The following SLC12A5 variants were observed in gnomAD, a reference collection of about 807,000 sequenced individuals.
SLC12A5 encodes solute carrier family 12 member 5.
In SLC12A5, 18 loss-of-function variants were observed where a neutral mutation model predicts 124.0. That is an observed-to-expected ratio of 0.15 (90% CI 0.10 to 0.22). The LOEUF (loss-of-function observed/expected upper bound fraction) is 0.22, where lower values mean the gene tolerates loss of function less well. Among genes scored for constraint, SLC12A5 ranks in the 10% least tolerant of loss-of-function variants. The pLI is 1.00. For synonymous variants in SLC12A5, 589 were observed against 568.0 expected, an observed-to-expected ratio of 1.04 and a Z score of -0.53; for missense variants, 867 against 1,478.7, an observed-to-expected ratio of 0.59 and a Z score of 6.78.
intron 2 of SLC12A5, chr20:46,023,251 C>A (rs1390888926): frequency 5.0e-6 from 2 of 398,200 alleles, no homozygotes; most frequent in Non-Finnish European, 8.8e-6. Context: ...GGGCTCCTTC[C>A]ACTCTTCATC....
intron 1 of SLC12A5, among the ~76,000 whole-genome samples, chr20:46,031,918 T>C (rs980181257): frequency 6.6e-6 from 1 of 152,212 alleles, no homozygotes; most frequent in African/African-American, 2.4e-5. Context: ...TTCTGGTCCT[T>C]TGAGAACTCG....
upstream of SLC12A5, chr20:46,029,136 A>G (rs2084422311): frequency 7.2e-7 from 1 of 1,391,744 alleles, no homozygotes; most frequent in Non-Finnish European, 9.3e-7. Flanking sequence ...TGAGGTGAGC[A>G]GCGCCGCTGC....
Position 46,051,817 on chromosome 20 carries a change from G to T in SLC12A5, c.2324G>T (p.Trp775Leu). 6.3e-7 allele frequency: 1 copy of T among 1,593,290 alleles called. No homozygotes were observed. The highest frequency in any genetic ancestry group is 2.4e-5 in the East Asian group (1 of 42,474). The change falls in exon 18 of 26, where the codon TGG becomes TTG. Residue 775 changes from tryptophan (W) to leucine (L), a missense_variant. Trp to Leu is a moderately conservative substitution (Grantham distance 61). Around this residue, in one of 9 missense-constraint regions of SLC12A5, gnomAD observed 110 missense variants for 149.9 expected, o/e 0.73. Coordinates refer to ENST00000243964, the MANE Select transcript of SLC12A5 (RefSeq NM_020708.5). ...CAGCACAACACTGTGCTTGTTGGCT[G>T]GCCCCGCAACTGGCGCCAGAAGGAA... ...GLQHNTVLVG[W>L]PRNWRQKEDH...
At position 46,029,268 on chromosome 20, in the gene SLC12A5, A is replaced by G. The variant is rs2084423408; in HGVS notation, c.-77A>G. 3.3e-6 allele frequency: 5 copies of G among 1,502,362 alleles called. No individual in the cohort carries two copies. Among genetic ancestry groups the G allele is most frequent in the Middle Eastern group, 1.7e-4 (1 of 5,744 alleles). The allele number at this position is 1,502,362 out of a possible 1,614,324, so 93.1% of individuals were successfully genotyped here. Reference sequence around the variant, plus strand: ...GAGCGAGACAGAGCTACAGCGAACGAGAGAGCGGCGAAGGCGGGTAGAGGG... The same window carrying G: ...GAGCGAGACAGAGCTACAGCGAACGGGAGAGCGGCGAAGGCGGGTAGAGGG... On this transcript the variant is annotated 5_prime_UTR_variant, in exon 1 of 26. Transcript: ENST00000243964.
chr20:46,029,745 G>T (rs1194289845), intron 1 of SLC12A5, among the ~76,000 whole-genome samples: 2 of 152,138 alleles, frequency 1.3e-5, no homozygotes, highest in Non-Finnish European at 2.9e-5. Context: ...TCCTTTCCCC[G>T]ACAGGGGACC....
intron 18 of SLC12A5, among the ~76,000 whole-genome samples, chr20:46,052,737 A>AACTG (rs2084656778): frequency 6.6e-6 from 1 of 152,180 alleles, no homozygotes; most frequent in Non-Finnish European, 1.5e-5. Flanking sequence ...CAGGTGGGGA[A>AACTG]ACTGAGGCCT....
Position 46,053,376 on chromosome 20 carries a change from G to T in SLC12A5, c.2548-202G>T, listed in dbSNP as rs970863689. 4.6e-5 allele frequency among the ~76,000 whole-genome samples: 7 copies of T among 152,252 alleles called. No individual in the cohort carries two copies. The highest frequency in any genetic ancestry group is 8.8e-5 in the Non-Finnish European group (6 of 68,044). On this transcript the variant is annotated intron_variant, in intron 19 of 25. Transcript: ENST00000243964. The surrounding 1 kb of genome is among the most constrained non-coding windows in gnomAD (Gnocchi z 4.7). ...AGAGCAATGCTTAGCCCAAGCCAGT[G>T]ATGCTTTCTTTAATGGGGGACCCTC...
rs1320909377 is a variant in SLC12A5 at position 46,056,021 on chromosome 20, C to G, written c.2788-129C>G. The G allele has an allele frequency of 6.1e-6, 8 of 1,318,546 alleles. No individual in the cohort carries two copies. 81.7% of individuals were successfully genotyped at this position (1,318,546 alleles called of 1,614,324 possible). On this transcript the variant is annotated intron_variant, in intron 21 of 25. Transcript: ENST00000243964. The surrounding 1 kb of genome is among the most constrained non-coding windows in gnomAD (Gnocchi z 4.3). ...GTAGCTATTTGGTCTCAAATCATAGCAATATTTTAACAACTGGTACAGTTC... is the reference window on the plus strand; with the variant it reads ...GTAGCTATTTGGTCTCAAATCATAGGAATATTTTAACAACTGGTACAGTTC...
chr20:46,045,703 T>G lies in SLC12A5; in HGVS notation c.1570-175T>G, dbSNP rs1293870090. Among the ~76,000 whole-genome samples, 2 of 152,176 alleles carry G rather than the reference T, an allele frequency of 1.3e-5. No homozygotes were observed. Among genetic ancestry groups the G allele is most frequent in the South Asian group, 2.1e-4 (1 of 4,824 alleles). On this transcript the variant is annotated intron_variant, in intron 12 of 25. Coordinates refer to ENST00000243964, the MANE Select transcript of SLC12A5 (RefSeq NM_020708.5). This position sits in a 1 kb window ranked among gnomAD's most constrained non-coding sequence, Gnocchi z 4.9. Reference sequence around the variant, plus strand: ...GGTGCCGATCTCAGGGTGGGCAAGATGCAGCGAAAGCCTGTTATCCATTTG... The same window carrying G: ...GGTGCCGATCTCAGGGTGGGCAAGAGGCAGCGAAAGCCTGTTATCCATTTG...
Position 46,043,285 on chromosome 20 carries a change from T to G in SLC12A5, c.1199T>G (p.Phe400Cys). ...PYVFSDMTSY[F>C]TLLVGIYFPS... Reference sequence around the variant, plus strand: ...GTCTTCAGTGATATGACCTCCTACTTCACCCTGCTGGTTGGCATCTACTTC... The same window carrying G: ...GTCTTCAGTGATATGACCTCCTACTGCACCCTGCTGGTTGGCATCTACTTC... Residue 400 changes from phenylalanine to cysteine, a missense_variant, in exon 9 of 26, where the codon TTC (phenylalanine) becomes TGC (cysteine). This residue lies in a region of SLC12A5 where 152 missense variants were observed against 358.7 expected (regional missense o/e 0.42). Transcript: ENST00000243964. 1 of 1,614,064 alleles carries G rather than the reference T, an allele frequency of 6.2e-7. No individual in the cohort carries two copies. The highest frequency in any genetic ancestry group is 8.5e-7 in the Non-Finnish European group (1 of 1,180,010).
Position 46,045,752 on chromosome 20 carries a change from GCAT to G in SLC12A5, c.1570-124_1570-122del. On this transcript the variant is annotated intron_variant, in intron 12 of 25. Coordinates refer to ENST00000243964, the MANE Select transcript of SLC12A5 (RefSeq NM_020708.5). This position sits in a 1 kb window ranked among gnomAD's most constrained non-coding sequence, Gnocchi z 4.9. ...TGCATTCTCCTGGAGGAAGAGAAAT[GCAT>G]CCTCTCCCTTCCTCCTCTTTGGTGA... is the stretch of plus-strand genomic sequence containing the variant. The G allele has an allele frequency of 1.4e-6, 1 of 709,510 alleles. No homozygotes were observed. Among genetic ancestry groups the G allele is most frequent in the South Asian group, 1.8e-5 (1 of 54,878 alleles). The allele number at this position is 709,510 out of a possible 1,614,324, so 44.0% of individuals were successfully genotyped here.
Position 46,045,842 on chromosome 20 carries a change from G to A in SLC12A5, c.1570-36G>A. ...TAGGGGAGAGGGCTGAGAAATCCTT[G>A]AGGTCTCAGTCCCATGATGATTGCT... is the stretch of plus-strand genomic sequence containing the variant. On this transcript the variant is annotated intron_variant, in intron 12 of 25. Transcript: ENST00000243964. This position sits in a 1 kb window ranked among gnomAD's most constrained non-coding sequence, Gnocchi z 4.9. 6.4e-7 allele frequency: 1 copy of A among 1,572,246 alleles called. No individual in the cohort carries two copies. Among genetic ancestry groups the A allele is most frequent in the East Asian group, 2.2e-5 (1 of 44,576 alleles).
Position 46,053,817 on chromosome 20 carries a change from T to C in SLC12A5, c.2679+108T>C. 8.0e-7 allele frequency: 1 copy of C among 1,253,018 alleles called. No homozygotes were observed. The highest frequency in any genetic ancestry group is 1.5e-5 in the South Asian group (1 of 65,450). 77.6% of individuals were successfully genotyped at this position (1,253,018 alleles called of 1,614,324 possible). A position where few individuals can be genotyped will look rare whatever the true frequency, so the allele number is the denominator to read the frequency against. On this transcript the variant is annotated intron_variant, in intron 20 of 25. Coordinates refer to ENST00000243964, the MANE Select transcript of SLC12A5 (RefSeq NM_020708.5). The surrounding 1 kb of genome is among the most constrained non-coding windows in gnomAD (Gnocchi z 4.7). Reference sequence around the variant, plus strand: ...CCCATCAGCTTATGATGCTGGATCCTTTCCCCCTCATCCATCTCTTAGCCT... The same window carrying C: ...CCCATCAGCTTATGATGCTGGATCCCTTCCCCCTCATCCATCTCTTAGCCT...
chr20:46,049,278 G>A (rs185659752), intron 16 of SLC12A5, among the ~76,000 whole-genome samples: 14 of 152,334 alleles, frequency 9.2e-5, no homozygotes, highest in Admixed American at 2.6e-4. Flanking sequence ...TTATGTACAC[G>A]TGGGCGGGCA....
chr20:46,042,481 G>T (rs377623242), intron 8 of SLC12A5, among the ~76,000 whole-genome samples: 2 of 151,994 alleles, frequency 1.3e-5, no homozygotes, highest in East Asian at 1.9e-4. Context: ...GGGCTGTTTT[G>T]CCACCCAGTA....
At chr20:46,037,583 C>A (rs1477762023) in intron 6 of SLC12A5, among the ~76,000 whole-genome samples, 198 bp downstream of exon 6, 2 of 152,168 alleles carry the variant, frequency 1.3e-5, no homozygotes, top group Admixed American at 1.3e-4. Flanking sequence ...ATGTAACATA[C>A]ACAGCTGTCG....
Position 46,040,516 on chromosome 20 carries a change from C to A in SLC12A5, c.756C>A (p.Val252=). ...TGGTGTTTGTGGGTGTCAAGTATGT[C>A]AACAAGTTTGCCCTTGTCTTCCTGG... ...ATVVFVGVKY[V]NKFALVFLGC... Residue 252 remains valine, a synonymous_variant, in exon 7 of 26, where the codon GTC becomes GTA. Transcript: ENST00000243964. 1 of 1,614,214 alleles carries A rather than the reference C, an allele frequency of 6.2e-7. No homozygotes were observed.
chr20:46,036,551 G>A (rs1160016207), intron 4 of SLC12A5, 190 bp from the exon 5 acceptor site: 6 of 514,848 alleles, frequency 1.2e-5, no homozygotes, highest in South Asian at 4.6e-5. Flanking sequence ...CCTTCCGTTC[G>A]CATGGTGAAT....
In SLC12A5 at chr20:46,043,276, C is replaced by T; in HGVS notation, c.1190C>T (p.Thr397Ile). The change falls in exon 9 of 26, where the codon ACC becomes ATC. Residue 397 changes from threonine (T) to isoleucine (I), a missense_variant. This residue lies in a region of SLC12A5 where 152 missense variants were observed against 358.7 expected (regional missense o/e 0.42). Coordinates refer to ENST00000243964, the MANE Select transcript of SLC12A5 (RefSeq NM_020708.5). ...MDHPYVFSDMTSYFTLLVGIY... is the reference protein window; with the variant it reads ...MDHPYVFSDMISYFTLLVGIY... The stretch of plus-strand genomic sequence containing the variant: ...CACCCTTATGTCTTCAGTGATATGA[C>T]CTCCTACTTCACCCTGCTGGTTGGC... 1 of 1,614,084 alleles carries T rather than the reference C, an allele frequency of 6.2e-7. No homozygotes were observed. Among genetic ancestry groups the T allele is most frequent in the Non-Finnish European group, 8.5e-7 (1 of 1,179,988 alleles).
Sources: allele counts gnomAD v4.1 joint callset (sites outside exome capture counted in the v4.1 genomes callset), GRCh38; gene constraint gnomAD v4.1.1; regional missense constraint gnomAD v4.1.1; non-coding constraint Gnocchi (gnomAD v3.1); transcripts MANE v1.5; gene names NCBI Gene and HGNC (gene_info 2026-07-23, HGNC 2026-07-21).